ATXN7: variants seen among roughly 807,000 people sequenced by gnomAD.
ATXN7 encodes the protein ataxin 7, also known as ataxin-7.
ATXN7 carries 12 observed loss-of-function variants against 70.5 expected under a neutral mutation model. The ratio of observed to expected loss-of-function variants is 0.17; its 90% confidence interval spans 0.11 to 0.28. The LOEUF is 0.28. Among genes scored for constraint, ATXN7 ranks in the 10% least tolerant of loss-of-function variants. ATXN7 has a pLI of 1.00. For synonymous variants in ATXN7, 498 were observed against 448.7 expected (o/e 1.11, Z -1.39); for missense variants, 1,256 against 1,131.7 (o/e 1.11, Z -1.58).
At chr3:63,974,266 T>C (rs188521085) in intron 5 of ATXN7, among the ~76,000 whole-genome samples, 21 of 152,356 alleles carry the variant, frequency 1.4e-4, no homozygotes, top group Admixed American at 1.2e-3. Flanking sequence ...CTTAAACATA[T>C]TCTGGATCCC....
intron 4 of ATXN7, among the ~76,000 whole-genome samples, chr3:63,950,170 C>G (rs963720529): frequency 3.9e-5 from 6 of 151,962 alleles, no homozygotes; most frequent in African/African-American, 1.5e-4. Context: ...ATCAAAGGAA[C>G]CAGGGCAAAA....
In ATXN7 at chr3:63,982,293, A is replaced by G; in HGVS notation, c.860A>G (p.Lys287Arg). 6.2e-7 allele frequency: 1 copy of G among 1,614,190 alleles called. No homozygotes were observed. The change falls in exon 7 of 13, where the codon AAG (lysine) becomes AGG (arginine). Residue 287 changes from lysine to arginine, a missense_variant. Physicochemically the swap from Lys to Arg is conservative, Grantham distance 26. Transcript: ENST00000674280. ...CCTGCTACTGTGAGTTCCTTAGTCA[A>G]GCCTGGCCTTAACTGCCCCTCAATA... ...TCPATVSSLV[K>R]PGLNCPSIPK...
intron 2 of ATXN7, among the ~76,000 whole-genome samples, chr3:63,908,869 A>G (rs968449110): frequency 4.6e-5 from 7 of 152,220 alleles, no homozygotes; most frequent in African/African-American, 1.7e-4. Flanking sequence ...GGGTGACGAG[A>G]TAAGACCACA....
upstream of ATXN7, chr3:63,863,470 T>A (rs901781619): frequency 1.4e-5 from 16 of 1,158,544 alleles, no homozygotes; most frequent in African/African-American, 1.6e-4. Flanking sequence ...CACCCACGTG[T>A]GTTCCCAGCC....
intron 5 of ATXN7, among the ~76,000 whole-genome samples, chr3:63,961,086 G>C (rs528977380): frequency 3.9e-5 from 6 of 152,234 alleles, no homozygotes; most frequent in African/African-American, 1.4e-4. Flanking sequence ...TCAGACTGAA[G>C]AAAGCTCCTT....
chr3:63,890,435 C>G (rs1318382470), intron 1 of ATXN7, among the ~76,000 whole-genome samples: 1 of 152,074 alleles, frequency 6.6e-6, no homozygotes, highest in Non-Finnish European at 1.5e-5. Flanking sequence ...AACTACAGGA[C>G]TTAAACTGCT....
rs1427056356 is a variant in ATXN7 at position 64,001,250 on chromosome 3, C to T, written c.*1783C>T. On this transcript the variant is annotated 3_prime_UTR_variant, in exon 13 of 13. Transcript: ENST00000674280. ...TGATTTTTTTAAAGGAAGGAGAGAACAGTATCTTGTTCAATTATTATGCAA... is the reference window on the plus strand; with the variant it reads ...TGATTTTTTTAAAGGAAGGAGAGAATAGTATCTTGTTCAATTATTATGCAA... The T allele has an allele frequency of 6.6e-6, 1 of 152,088 alleles. No homozygotes were observed. Among genetic ancestry groups the T allele is most frequent in the Non-Finnish European group, 1.5e-5 (1 of 68,026 alleles). The allele number at this position is 152,088 out of a possible 1,614,324, so 9.4% of individuals were successfully genotyped here.
rs772604891 is a variant in ATXN7 at position 63,913,222 on chromosome 3, G to A, written c.391G>A (p.Glu131Lys). 26 of 1,613,724 alleles carry A rather than the reference G, an allele frequency of 1.6e-5. No individual in the cohort carries two copies. The highest frequency in any genetic ancestry group is 2.0e-5 in the Non-Finnish European group (24 of 1,179,898). Residue 131 changes from glutamate (E) to lysine (K), a missense_variant, in exon 4 of 13, where the codon GAA becomes AAA. Coordinates refer to ENST00000674280, the MANE Select transcript of ATXN7 (RefSeq NM_001377405.1). Reference protein sequence around the residue: ...KNREVMGLCREDMPIFGFCPA... With the variant: ...KNREVMGLCRKDMPIFGFCPA... ...CCGCGAAGTCATGGGGCTCTGTCGGGAAGGTGAGTCCAGCCCCCCTGATGG... is the reference window on the plus strand; with the variant it reads ...CCGCGAAGTCATGGGGCTCTGTCGGAAAGGTGAGTCCAGCCCCCCTGATGG...
At chr3:63,881,265 A>G (rs560468907) in intron 1 of ATXN7, among the ~76,000 whole-genome samples, 1 of 146,840 alleles carries the variant, frequency 6.8e-6, no homozygotes, top group African/African-American at 2.5e-5. Context: ...AGTAGTACCA[A>G]TGCTGAGAAT....
At chr3:63,995,113 G>A (rs2075734295) in intron 11 of ATXN7, among the ~76,000 whole-genome samples, 1 of 152,164 alleles carries the variant, frequency 6.6e-6, no homozygotes, top group Admixed American at 6.5e-5. Flanking sequence ...TAATTAAGCT[G>A]GGGATGACTC....
intron 4 of ATXN7, among the ~76,000 whole-genome samples, chr3:63,933,901 A>AT (rs1420277293): frequency 6.7e-5 from 10 of 149,610 alleles, no homozygotes; most frequent in Non-Finnish European, 1.0e-4. Flanking sequence ...TGGCTAGTTG[A>AT]TTTTCTCTTT....
chr3:63,898,030 GTT>G (rs1703497125), intron 1 of ATXN7, among the ~76,000 whole-genome samples: 1 of 152,270 alleles, frequency 6.6e-6, no homozygotes, highest in Non-Finnish European at 1.5e-5. Context: ...TTCAATCTGT[GTT>G]TTTAAAATCT....
intron 1 of ATXN7, among the ~76,000 whole-genome samples, chr3:63,865,758 A>G (rs934627677): frequency 4.0e-5 from 6 of 150,260 alleles, no homozygotes; most frequent in African/African-American, 9.7e-5. Flanking sequence ...AGCCGGGCGT[A>G]GTGGCGGGCG....
intron 7 of ATXN7, 31 bp from the exon 8 acceptor site, chr3:63,982,908 G>T: frequency 1.3e-6 from 2 of 1,554,856 alleles, no homozygotes; most frequent in Non-Finnish European, 8.9e-7. Context: ...AGTTTGTCAG[G>T]CCACATGTAA....
chr3:63,896,978 T>C (rs559747102), intron 1 of ATXN7, among the ~76,000 whole-genome samples: 6 of 152,334 alleles, frequency 3.9e-5, no homozygotes, highest in African/African-American at 1.4e-4. Flanking sequence ...AATCTGATGC[T>C]GGTGTTGTTC....
At chr3:63,934,344 C>T (rs1239246282) in intron 4 of ATXN7, among the ~76,000 whole-genome samples, 1 of 152,076 alleles carries the variant, frequency 6.6e-6, no homozygotes, top group Non-Finnish European at 1.5e-5. Flanking sequence ...GAAAGAACTG[C>T]TGGTTTTCTG....
chr3:63,912,340 C>T (rs1341466678), intron 2 of ATXN7, among the ~76,000 whole-genome samples: 2 of 151,536 alleles, frequency 1.3e-5, no homozygotes, highest in Non-Finnish European at 1.5e-5. Context: ...GGCGGGCCGC[C>T]TGCTGCCCGT....
At chr3:63,863,573 T>G (rs961740803), upstream of ATXN7, 26 of 1,196,834 alleles carry the variant, frequency 2.2e-5, no homozygotes, top group Non-Finnish European at 2.5e-5. Flanking sequence ...GCGCTCGGGC[T>G]CTGGCGAGAG....
chr3:63,966,636 C>A (rs763885589), intron 5 of ATXN7, among the ~76,000 whole-genome samples: 9 of 152,118 alleles, frequency 5.9e-5, no homozygotes, highest in Non-Finnish European at 1.0e-4. Context: ...GGGTTGGGAT[C>A]TGAATCCTTG....
Sources: gnomAD v4.1 joint callset for allele counts (sites outside exome capture counted in the v4.1 genomes callset) on GRCh38, gnomAD v4.1.1 for gene constraint, MANE v1.5 for transcripts, NCBI Gene and HGNC (gene_info 2026-07-23, HGNC 2026-07-21) for gene names.